The following HIPK2 variants were observed in gnomAD, a reference collection of about 807,000 sequenced individuals.
The protein encoded by HIPK2 is homeodomain interacting protein kinase 2, also known as homeodomain-interacting protein kinase 2.
A neutral mutation model predicts 113.7 loss-of-function variants in HIPK2; 27 were observed. That is an observed-to-expected ratio of 0.24 (90% confidence interval 0.17 to 0.33). The LOEUF is 0.33. Ranked by LOEUF, HIPK2 falls within the 10% of genes least tolerant of loss-of-function variation. The probability of loss-of-function intolerance (pLI) is 1.00; values close to 1 mark genes in which losing one functional copy is unlikely to be tolerated. For missense variants in HIPK2, 1,257 were observed against 1,588.0 expected, an observed-to-expected ratio of 0.79 and a Z score of 3.54; for synonymous variants, 631 against 642.2, an observed-to-expected ratio of 0.98 and a Z score of 0.26.
chr7:139,748,773 T>C lies in HIPK2; in HGVS notation c.19+28832A>G, dbSNP rs553119139. Among the ~76,000 whole-genome samples the C allele has an allele frequency of 8.4e-4, 127 of 152,068 alleles. 1 individual carries two copies. The highest frequency in any genetic ancestry group is 2.9e-3 in the African/African-American group (120 of 41,468). On this transcript the variant is annotated intron_variant, in intron 1 of 14. Coordinates refer to ENST00000406875, the MANE Select transcript of HIPK2 (RefSeq NM_022740.5). Reference sequence around the variant, plus strand: ...GGGGGTTAGGACTTCAACATGTGAGTGGGGAGGGGGACACAAAATTCATCC... The same window carrying C: ...GGGGGTTAGGACTTCAACATGTGAGCGGGGAGGGGGACACAAAATTCATCC...
chr7:139,620,963 C>T (rs556781813), intron 6 of HIPK2, among the ~76,000 whole-genome samples: 4 of 152,096 alleles, frequency 2.6e-5, no homozygotes, highest in East Asian at 1.9e-4. Flanking sequence ...ACTTATAACC[C>T]GCCTCCACCT....
intron 1 of HIPK2, among the ~76,000 whole-genome samples, chr7:139,719,208 G>A (rs529226782): frequency 2.0e-5 from 3 of 152,030 alleles, no homozygotes; most frequent in South Asian, 2.1e-4. Context: ...GTGCTATCTC[G>A]GCTCACTGCA....
intron 1 of HIPK2, among the ~76,000 whole-genome samples, chr7:139,745,720 A>AC (rs1452429075): frequency 6.7e-6 from 1 of 148,298 alleles, no homozygotes; most frequent in African/African-American, 2.5e-5. Flanking sequence ...CACCCCCCTC[A>AC]CCCCCCAACT....
At chr7:139,726,918 C>A (rs955093286) in intron 1 of HIPK2, among the ~76,000 whole-genome samples, 1 of 152,156 alleles carries the variant, frequency 6.6e-6, no homozygotes, top group Non-Finnish European at 1.5e-5. Flanking sequence ...GTGCTGCTGA[C>A]GGTAAGAGCA....
chr7:139,709,231 C>T (rs771514411), intron 2 of HIPK2, among the ~76,000 whole-genome samples: 21 of 152,170 alleles, frequency 1.4e-4, no homozygotes, highest in Non-Finnish European at 2.6e-4. Context: ...CAGTTCACTT[C>T]ATATCTTCAA....
intron 2 of HIPK2, among the ~76,000 whole-genome samples, chr7:139,649,421 T>C (rs1270917866): frequency 1.3e-5 from 2 of 152,182 alleles, no homozygotes; most frequent in African/African-American, 4.8e-5. Context: ...CCAGTAGGGA[T>C]TTTCCTAGGG....
At chr7:139,646,311 C>T (rs960302307) in intron 2 of HIPK2, among the ~76,000 whole-genome samples, 2 of 151,934 alleles carry the variant, frequency 1.3e-5, no homozygotes, top group Non-Finnish European at 2.9e-5. Context: ...GCCTGGGCAA[C>T]ATAGTAAGAC....
intron 6 of HIPK2, among the ~76,000 whole-genome samples, chr7:139,623,820 G>A (rs1800327879): frequency 6.6e-6 from 1 of 152,156 alleles, no homozygotes; most frequent in Non-Finnish European, 1.5e-5. Context: ...GGCCCGCCAT[G>A]ATACGCACAA....
chr7:139,724,631 T>C (rs2116995454), intron 1 of HIPK2, among the ~76,000 whole-genome samples: 1 of 151,542 alleles, frequency 6.6e-6, no homozygotes, highest in South Asian at 2.1e-4. Context: ...GCTGCACCCA[T>C]TAACTCGTCA....
intron 5 of HIPK2, 33 bp downstream of exon 5, chr7:139,628,920 G>A (rs1408680101): frequency 6.4e-7 from 1 of 1,558,272 alleles, no homozygotes; most frequent in South Asian, 1.2e-5. Flanking sequence ...GGTTTTAAAG[G>A]GCTTACGTTG....
At chr7:139,725,069 A>G (rs976847408) in intron 1 of HIPK2, among the ~76,000 whole-genome samples, 1 of 152,246 alleles carries the variant, frequency 6.6e-6, no homozygotes, top group African/African-American at 2.4e-5. Flanking sequence ...GGTCCTCTAC[A>G]TAAAAAAAGA....
rs553167903 is a variant in HIPK2, at chr7:139,708,303, C to T, written c.1103+7629G>A. ...TGGTTTCATGGGTATATACTCAGCC[C>T]CGAACCCATCAAGTCATGGATATTA... On this transcript the variant is annotated intron_variant, in intron 2 of 14. Transcript: ENST00000406875. Among the ~76,000 whole-genome samples the T allele has an allele frequency of 2.6e-5, 4 of 152,216 alleles. No individual in the cohort carries two copies. The East Asian group carries it at 7.7e-4, about 29-fold the overall frequency.
At chr7:139,639,388 T>C (rs1800926654) in intron 2 of HIPK2, among the ~76,000 whole-genome samples, 1 of 152,212 alleles carries the variant, frequency 6.6e-6, no homozygotes, top group Non-Finnish European at 1.5e-5. Context: ...CCTCACTCAC[T>C]TATTAGAATA....
chr7:139,676,870 T>C (rs1442441061), intron 2 of HIPK2, among the ~76,000 whole-genome samples: 2 of 151,674 alleles, frequency 1.3e-5, no homozygotes, highest in Non-Finnish European at 2.9e-5. Context: ...CTTTTTCTTT[T>C]TTTTTTTTTT....
rs753964655 is a variant in HIPK2, at chr7:139,575,211, C to T, written c.3043G>A (p.Gly1015Arg). The stretch of plus-strand genomic sequence containing the variant: ...TAGGTGATGGCTCCAGATGAGCTCC[C>T]TGAAGAGTGACCGCTGGTGGAGGTC... The part of the protein sequence containing the change: ...NVTSTSGHSS[G>R]SSSGAITYRQ... Residue 1015 changes from glycine to arginine, a missense_variant, in exon 14 of 15, where the codon GGG becomes AGG. By Grantham distance (125) the Gly-to-Arg change is moderately radical. This residue lies in a region of HIPK2 where 862 missense variants were observed against 1,004.3 expected (regional missense o/e 0.86). Coordinates refer to ENST00000406875, the MANE Select transcript of HIPK2 (RefSeq NM_022740.5). The T allele has an allele frequency of 2.5e-6, 4 of 1,585,840 alleles. No individual in the cohort carries two copies. The highest frequency in any genetic ancestry group is 3.4e-6 in the Non-Finnish European group (4 of 1,166,260).
chr7:139,628,036 G>C (rs1413001625), intron 5 of HIPK2, among the ~76,000 whole-genome samples: 1 of 152,198 alleles, frequency 6.6e-6, no homozygotes, highest in Non-Finnish European at 1.5e-5. Flanking sequence ...AGGCAAGGGA[G>C]ATGTGGACAC....
intron 2 of HIPK2, among the ~76,000 whole-genome samples, chr7:139,676,289 G>C (rs1343158427): frequency 6.6e-6 from 1 of 152,150 alleles, no homozygotes; most frequent in African/African-American, 2.4e-5. Flanking sequence ...GCTAACCCTG[G>C]CAAGGGAATC....
chr7:139,584,016 G>A lies in HIPK2; in HGVS notation c.2766C>T (p.His922=), dbSNP rs770042758. ...RKNVISCVTV[H]DSPYSDSSSN... ...TGGAGGAGTCGGAGTAGGGGGAGTC[G>A]TGGACTGTGACACAGCTGATGACGT... Residue 922 remains histidine, a synonymous_variant, in exon 13 of 15, where the codon CAC becomes CAT. Transcript: ENST00000406875. 4.3e-6 allele frequency: 7 copies of A among 1,611,736 alleles called. No individual in the cohort carries two copies. Among genetic ancestry groups the A allele is most frequent in the East Asian group, 2.2e-5 (1 of 44,842 alleles).
intron 1 of HIPK2, among the ~76,000 whole-genome samples, chr7:139,718,579 C>T (rs1795314577): frequency 6.6e-6 from 1 of 152,200 alleles, no homozygotes; most frequent in Admixed American, 6.5e-5. Flanking sequence ...TTTTCCAATA[C>T]TAAAAAAGTT....
Sources: gnomAD v4.1 joint callset for allele counts (sites outside exome capture counted in the v4.1 genomes callset) on GRCh38, gnomAD v4.1.1 for gene constraint, gnomAD v4.1.1 regional missense constraint, MANE v1.5 for transcripts, NCBI Gene and HGNC (gene_info 2026-07-23, HGNC 2026-07-21) for gene names.